The following NRXN1 variants were observed in gnomAD, a reference collection of about 807,000 sequenced individuals.
NRXN1 encodes the protein neurexin 1, also known as neurexin-1.
A neutral mutation model predicts 150.9 loss-of-function variants in NRXN1; 39 were observed. The ratio of observed to expected loss-of-function variants is 0.26; its 90% CI spans 0.20 to 0.34. NRXN1 has a LOEUF of 0.34. Among genes scored for constraint, NRXN1 ranks in the 10% least tolerant of loss-of-function variants. The pLI is 1.00. For missense variants in NRXN1, 1,815 were observed against 1,949.9 expected, an observed-to-expected ratio of 0.93 and a Z score of 1.30; for synonymous variants, 924 against 757.0, an observed-to-expected ratio of 1.22 and a Z score of -3.62.
intron 5 of NRXN1, among the ~76,000 whole-genome samples, chr2:50,887,801 A>G (rs780341192): frequency 1.3e-5 from 2 of 151,520 alleles, no homozygotes; most frequent in Non-Finnish European, 3.0e-5. Flanking sequence ...GTGTTCAGCA[A>G]CAGATTCAAG....
chr2:50,145,264 T>C (rs935425977), intron 18 of NRXN1, among the ~76,000 whole-genome samples: 6 of 150,584 alleles, frequency 4.0e-5, no homozygotes, highest in Non-Finnish European at 8.9e-5. Context: ...TTTTTCTCAA[T>C]TTATTTAATT....
At chr2:50,427,588 CCT>C (rs1314198876) in intron 17 of NRXN1, among the ~76,000 whole-genome samples, 2 of 152,138 alleles carry the variant, frequency 1.3e-5, no homozygotes, top group Non-Finnish European at 2.9e-5. Flanking sequence ...CTGCTATCTT[CCT>C]CTTTCTCTAA....
chr2:50,008,384 A>G (rs778417919), intron 21 of NRXN1, among the ~76,000 whole-genome samples: 1 of 151,888 alleles, frequency 6.6e-6, no homozygotes, highest in Non-Finnish European at 1.5e-5. Context: ...CTTGTTTGCT[A>G]AGTTTGGGGA....
chr2:50,060,612 T>C (rs1229542794), intron 19 of NRXN1, among the ~76,000 whole-genome samples: 1 of 152,160 alleles, frequency 6.6e-6, no homozygotes, highest in African/African-American at 2.4e-5. Flanking sequence ...TCTTGAATTC[T>C]AGCTCCCATA....
At chr2:50,084,392 A>T (rs1168878787) in intron 19 of NRXN1, among the ~76,000 whole-genome samples, 1 of 152,144 alleles carries the variant, frequency 6.6e-6, no homozygotes, top group Non-Finnish European at 1.5e-5. Flanking sequence ...AATCGAGCGC[A>T]GTGCCGGTGG....
At chr2:49,977,103 C>G (rs1365790445) in intron 21 of NRXN1, among the ~76,000 whole-genome samples, 6 of 152,040 alleles carry the variant, frequency 3.9e-5, no homozygotes, top group Non-Finnish European at 8.8e-5. Flanking sequence ...CTTATAGATT[C>G]TATTGTTGGC....
chr2:50,548,538 T>G (rs1218114282), intron 9 of NRXN1, among the ~76,000 whole-genome samples: 1 of 152,168 alleles, frequency 6.6e-6, no homozygotes, highest in Non-Finnish European at 1.5e-5. Flanking sequence ...TTTATTTTAT[T>G]TTATTTTTTT....
intron 8 of NRXN1, among the ~76,000 whole-genome samples, chr2:50,564,693 T>A (rs1303855350): frequency 6.6e-6 from 1 of 152,196 alleles, no homozygotes; most frequent in African/African-American, 2.4e-5. Context: ...TGAACACATG[T>A]AACTGTTGTT....
chr2:50,244,367 G>A (rs1346010673), intron 17 of NRXN1, among the ~76,000 whole-genome samples: 1 of 151,832 alleles, frequency 6.6e-6, no homozygotes, highest in Non-Finnish European at 1.5e-5. Flanking sequence ...CATTCATATA[G>A]AATGAGATGT....
chr2:51,007,568 A>G (rs1667213626), intron 2 of NRXN1, among the ~76,000 whole-genome samples: 1 of 151,870 alleles, frequency 6.6e-6, no homozygotes, highest in Non-Finnish European at 1.5e-5. Flanking sequence ...TTTATATATT[A>G]TTTTTCTATT....
chr2:50,277,060 A>G lies in NRXN1; in HGVS notation c.3365-40090T>C, dbSNP rs1013937384. Among the ~76,000 whole-genome samples the G allele has an allele frequency of 3.9e-5, 6 of 152,238 alleles. No homozygotes were observed. The South Asian group carries it at 6.2e-4, about 16-fold the overall frequency. ...TTTAATTAACACAGTTAGCTACACT[A>G]TGAAAGTAGAAATATTCGTTCAGAA... On this transcript the variant is annotated intron_variant, in intron 17 of 22. Transcript: ENST00000401669.
intron 17 of NRXN1, among the ~76,000 whole-genome samples, chr2:50,452,515 C>A (rs1220864654): frequency 1.3e-5 from 2 of 152,142 alleles, no homozygotes; most frequent in Non-Finnish European, 2.9e-5. Flanking sequence ...GCCGAAGAAT[C>A]TTTGCATGTA....
At chr2:50,170,734 C>T (rs1415139052) in intron 18 of NRXN1, among the ~76,000 whole-genome samples, 1 of 150,804 alleles carries the variant, frequency 6.6e-6, no homozygotes. Flanking sequence ...GGATAAGGGA[C>T]ATTGAGTCTC....
intron 17 of NRXN1, among the ~76,000 whole-genome samples, chr2:50,329,720 C>G (rs1024904908): frequency 7.3e-6 from 1 of 137,390 alleles, no homozygotes; most frequent in Non-Finnish European, 1.5e-5. Flanking sequence ...GTCACCCAGG[C>G]TACAGTGCGG....
At chr2:50,670,027 T>C (rs1405661893) in intron 5 of NRXN1, among the ~76,000 whole-genome samples, 1 of 151,788 alleles carries the variant, frequency 6.6e-6, no homozygotes, top group Non-Finnish European at 1.5e-5. Flanking sequence ...AAATAAATTT[T>C]AGGAGTAGTT....
At chr2:50,665,705 A>G (rs1687925791) in intron 5 of NRXN1, among the ~76,000 whole-genome samples, 1 of 151,994 alleles carries the variant, frequency 6.6e-6, no homozygotes, top group Non-Finnish European at 1.5e-5. Flanking sequence ...AGTTTATCAA[A>G]GTGAGGCCCT....
chr2:49,969,349 A>G (rs1228046492), intron 21 of NRXN1, among the ~76,000 whole-genome samples: 1 of 152,086 alleles, frequency 6.6e-6, no homozygotes. Context: ...AGCACATCTA[A>G]TCATGCAAAA....
At position 50,201,229 on chromosome 2, in the gene NRXN1, T is replaced by C. The variant is rs1351273717; in HGVS notation, c.3546+35560A>G. The stretch of plus-strand genomic sequence containing the variant: ...CTAATGAGGAGCATAAAAAACACAA[T>C]AATAATAAAATAGTTCAAGTGATTT... On this transcript the variant is annotated intron_variant, in intron 18 of 22. Transcript: ENST00000401669. 1.3e-5 allele frequency among the ~76,000 whole-genome samples: 2 copies of C among 152,062 alleles called. 1 individual carries two copies. Among genetic ancestry groups the C allele is most frequent in the East Asian group, 3.9e-4 (2 of 5,186 alleles).
chr2:50,307,311 C>T (rs567211813), intron 17 of NRXN1, among the ~76,000 whole-genome samples: 1 of 152,128 alleles, frequency 6.6e-6, no homozygotes, highest in African/African-American at 2.4e-5. Flanking sequence ...ATGATTTATC[C>T]TTATTATATA....
Sources: gnomAD v4.1 joint callset for allele counts (sites outside exome capture counted in the v4.1 genomes callset) on GRCh38, gnomAD v4.1.1 for gene constraint, MANE v1.5 for transcripts, NCBI Gene and HGNC (gene_info 2026-07-23, HGNC 2026-07-21) for gene names.